Variants in RAB3IP observed in about 807,000 individuals in gnomAD.
RAB3IP encodes the protein rab-3A-interacting protein.
Under a neutral mutation model 59.1 loss-of-function variants are expected in RAB3IP, and 36 were observed. The ratio of observed to expected loss-of-function variants is 0.61; its 90% CI spans 0.47 to 0.80. The LOEUF is 0.80. Among genes scored for constraint, RAB3IP ranks in the 30% least tolerant of loss-of-function variants. The probability of loss-of-function intolerance (pLI) is 0.00; values close to 1 mark genes in which losing one functional copy is unlikely to be tolerated. For synonymous variants in RAB3IP, 207 were observed against 191.2 expected, an observed-to-expected ratio of 1.08 and a Z score of -0.68; for missense variants, 511 against 536.0, an observed-to-expected ratio of 0.95 and a Z score of 0.46.
At chr12:69,739,540 C>A in intron 1 of RAB3IP, 1 of 445,668 alleles carries the variant, frequency 2.2e-6, no homozygotes, top group Non-Finnish European at 4.0e-6. Context: ...GGGGTGGTTT[C>A]GTGTCCCAGT....
At chr12:69,781,729 G>T (rs1412415156) in intron 3 of RAB3IP, among the ~76,000 whole-genome samples, 1 of 152,156 alleles carries the variant, frequency 6.6e-6, no homozygotes, top group Non-Finnish European at 1.5e-5. Flanking sequence ...AGCACAAAAT[G>T]ATATTTCACT....
At chr12:69,765,142 G>A (rs961012735) in intron 3 of RAB3IP, among the ~76,000 whole-genome samples, 1 of 152,008 alleles carries the variant, frequency 6.6e-6, no homozygotes, top group African/African-American at 2.4e-5. Context: ...TTTTTCTCTT[G>A]CTGGATTCCT....
chr12:69,794,127 G>A (rs1008079441), intron 4 of RAB3IP, among the ~76,000 whole-genome samples: 2 of 152,322 alleles, frequency 1.3e-5, no homozygotes, highest in African/African-American at 4.8e-5. Flanking sequence ...TGACTGCAAA[G>A]GAGTTGGCTT....
rs190387387 is a variant in RAB3IP, at chr12:69,808,321, A to C, written c.1131-4457A>C. On this transcript the variant is annotated intron_variant, in intron 8 of 10. Coordinates refer to ENST00000247833, the MANE Select transcript of RAB3IP (RefSeq NM_022456.5). ...GTGCTTTACTTCCAACTATGTGGTCAACTTTGGAATAGGTGTGGTGTGGTG... is the reference window on the plus strand; with the variant it reads ...GTGCTTTACTTCCAACTATGTGGTCCACTTTGGAATAGGTGTGGTGTGGTG... Among the ~76,000 whole-genome samples the C allele has an allele frequency of 3.3e-3, 500 of 152,294 alleles. 8 individuals carry two copies. Among genetic ancestry groups the C allele is most frequent in the Non-Finnish European group, 5.4e-4 (37 of 68,028 alleles).
chr12:69,758,077 T>C (rs971543516), intron 3 of RAB3IP, among the ~76,000 whole-genome samples: 1 of 152,258 alleles, frequency 6.6e-6, no homozygotes, highest in African/African-American at 2.4e-5. Context: ...AAAAGGACTC[T>C]TGAATATAAA....
chr12:69,787,411 T>C (rs895748818), intron 4 of RAB3IP, among the ~76,000 whole-genome samples: 1 of 152,156 alleles, frequency 6.6e-6, no homozygotes, highest in Non-Finnish European at 1.5e-5. Context: ...GTTTATGATA[T>C]GTCTAGTTTT....
chr12:69,784,245 C>T (rs1372165968), intron 3 of RAB3IP, among the ~76,000 whole-genome samples: 1 of 151,782 alleles, frequency 6.6e-6, no homozygotes, highest in African/African-American at 2.4e-5. Context: ...GATATAGTCT[C>T]CTAATAGATA....
At chr12:69,778,466 G>A (rs149702281) in intron 3 of RAB3IP, among the ~76,000 whole-genome samples, 47,902 of 145,796 alleles carry the variant, frequency 0.33, 8,174 homozygotes, top group Non-Finnish European at 0.37. Flanking sequence ...GAGGAACTGC[G>A]TTCCTTTGGA....
At chr12:69,752,353 CTTTTTTAGATAAAAGGTA>C (rs1869472177) in intron 1 of RAB3IP, among the ~76,000 whole-genome samples, 1 of 144,392 alleles carries the variant, frequency 6.9e-6, no homozygotes, top group Non-Finnish European at 1.5e-5. Context: ...TTTTATTCTC[CTTTTTTAGATAAAAGGTA>C]GTTTACTGTT....
chr12:69,749,794 C>G (rs1037241169), intron 1 of RAB3IP, among the ~76,000 whole-genome samples: 1 of 152,142 alleles, frequency 6.6e-6, no homozygotes, highest in Non-Finnish European at 1.5e-5. Flanking sequence ...TTATTTGCAT[C>G]TTCTGTGGCA....
intron 8 of RAB3IP, among the ~76,000 whole-genome samples, chr12:69,810,448 C>G (rs953469831): frequency 6.6e-6 from 1 of 152,190 alleles, no homozygotes; most frequent in Non-Finnish European, 1.5e-5. Context: ...CAGAAATCAC[C>G]CGTCTTCTGT....
intron 8 of RAB3IP, among the ~76,000 whole-genome samples, chr12:69,811,417 A>G (rs1880441598): frequency 6.6e-6 from 1 of 152,246 alleles, no homozygotes; most frequent in South Asian, 2.1e-4. Flanking sequence ...AGAAACACTT[A>G]TTATTTTAAA....
chr12:69,765,064 T>C (rs1413686265), intron 3 of RAB3IP, among the ~76,000 whole-genome samples: 4 of 152,236 alleles, frequency 2.6e-5, no homozygotes, highest in African/African-American at 9.6e-5. Context: ...GTTCTTCAGG[T>C]ATAAAATCAT....
chr12:69,747,293 CGTGTGTGTGTGT>C (rs111438084), intron 1 of RAB3IP, among the ~76,000 whole-genome samples: 15 of 137,794 alleles, frequency 1.1e-4, no homozygotes, highest in East Asian at 4.2e-4. Flanking sequence ...CTTGCCCTTT[CGTGTGTGTGTGT>C]GTGTGTGTGT....
intron 1 of RAB3IP, among the ~76,000 whole-genome samples, chr12:69,741,088 A>G (rs1887290713): frequency 6.6e-6 from 1 of 152,252 alleles, no homozygotes; most frequent in African/African-American, 2.4e-5. Flanking sequence ...ACCTAATATG[A>G]ACTTCATAAT....
At chr12:69,744,495 A>G (rs559579328) in intron 1 of RAB3IP, among the ~76,000 whole-genome samples, 4 of 152,168 alleles carry the variant, frequency 2.6e-5, no homozygotes, top group Admixed American at 2.6e-4. Context: ...AGGTTGAGGC[A>G]GACAGTTACT....
intron 1 of RAB3IP, among the ~76,000 whole-genome samples, chr12:69,754,343 G>GCACACA (rs57626649): frequency 2.9e-4 from 38 of 132,710 alleles, no homozygotes; most frequent in East Asian, 2.1e-4. Context: ...AGATACACGG[G>GCACACA]CACACACACA....
intron 1 of RAB3IP, among the ~76,000 whole-genome samples, chr12:69,748,201 G>A (rs1868658160): frequency 6.6e-6 from 1 of 151,494 alleles, no homozygotes; most frequent in Non-Finnish European, 1.5e-5. Flanking sequence ...TATAAATCAA[G>A]TTGCTAGATT....
chr12:69,770,406 C>A (rs1294991744), intron 3 of RAB3IP, among the ~76,000 whole-genome samples: 1 of 152,092 alleles, frequency 6.6e-6, no homozygotes, highest in Non-Finnish European at 1.5e-5. Context: ...CTTATAATAC[C>A]TAATATAATA....
Sources: gnomAD v4.1 joint callset for allele counts (sites outside exome capture counted in the v4.1 genomes callset) on GRCh38, gnomAD v4.1.1 for gene constraint, MANE v1.5 for transcripts, NCBI Gene and HGNC (gene_info 2026-07-23, HGNC 2026-07-21) for gene names.